Variants in NTNG1 observed in about 807,000 individuals in gnomAD.
The protein encoded by NTNG1 is netrin-G1.
In NTNG1, 16 loss-of-function variants were observed where a neutral mutation model predicts 54.0. The ratio of observed to expected loss-of-function variants is 0.30; its 90% confidence interval spans 0.20 to 0.45. NTNG1 has a LOEUF of 0.45. NTNG1 is among the 20% of genes least tolerant of loss of function. The pLI, the probability that NTNG1 is intolerant of heterozygous loss-of-function variation, is 1.00. For missense variants in NTNG1, 530 were observed against 678.7 expected (o/e 0.78, Z 2.43); for synonymous variants, 255 against 263.1 (o/e 0.97, Z 0.30).
At chr1:107,438,041 T>C (rs1675719938) in intron 7 of NTNG1, among the ~76,000 whole-genome samples, 1 of 152,276 alleles carries the variant, frequency 6.6e-6, no homozygotes, top group South Asian at 2.1e-4. Flanking sequence ...TTCTATAAAA[T>C]AAATTCTTCA....
At chr1:107,342,983 A>G (rs1668990319) in intron 3 of NTNG1, among the ~76,000 whole-genome samples, 1 of 152,110 alleles carries the variant, frequency 6.6e-6, no homozygotes, top group Non-Finnish European at 1.5e-5. Context: ...GCTGATGATG[A>G]AATATCATGG....
intron 5 of NTNG1, chr1:107,409,693 T>A (rs965141707): frequency 2.6e-5 from 4 of 152,154 alleles, no homozygotes; most frequent in African/African-American, 9.7e-5. Context: ...CCCTTCAATA[T>A]GCCTCTGGCT....
Position 107,147,754 on chromosome 1 carries a change from A to G in NTNG1, c.-525-315A>G, listed in dbSNP as rs1570703201. ...GGAAGATTTTCTAGCACTGCAATGT[A>G]TGAGAAATGTTCAAATCTAGCTGCT... On this transcript the variant is annotated intron_variant, in intron 1 of 7. Transcript: ENST00000370068. 2.0e-5 allele frequency among the ~76,000 whole-genome samples: 3 copies of G among 152,310 alleles called. No homozygotes were observed. In the South Asian group the frequency reaches 6.2e-4, roughly 32 times the overall value.
intron 1 of NTNG1, 140 bp from the exon 2 acceptor site, chr1:107,147,929 G>A (rs1220506853): frequency 6.6e-6 from 1 of 152,080 alleles, no homozygotes; most frequent in Non-Finnish European, 1.5e-5. Flanking sequence ...GCTCATTCTA[G>A]CAAAGCAGCT....
chr1:107,407,903 A>G (rs575841675), intron 5 of NTNG1, 195 bp downstream of exon 5: 1 of 738,804 alleles, frequency 1.4e-6, no homozygotes, highest in Admixed American at 1.7e-5. Flanking sequence ...TTTGTGCATA[A>G]CTCCATGAAC....
intron 2 of NTNG1, among the ~76,000 whole-genome samples, chr1:107,270,012 A>T (rs1439582493): frequency 6.6e-6 from 1 of 152,248 alleles, no homozygotes; most frequent in African/African-American, 2.4e-5. Context: ...TATTACTCAA[A>T]GTATGCCAAT....
intron 3 of NTNG1, among the ~76,000 whole-genome samples, chr1:107,358,294 T>C (rs1473477368): frequency 6.6e-6 from 1 of 152,150 alleles, no homozygotes; most frequent in Non-Finnish European, 1.5e-5. Context: ...TCAAGCCTTA[T>C]TGAAGAAGAT....
chr1:107,232,041 T>C lies in NTNG1; in HGVS notation c.246+83202T>C, dbSNP rs1310734939. Among the ~76,000 whole-genome samples the C allele has an allele frequency of 2.6e-5, 4 of 152,328 alleles. No homozygotes were observed. The South Asian group carries it at 6.2e-4, about 24-fold the overall frequency. Reference sequence around the variant, plus strand: ...AACTCTGAATAGCAGCTTGGTACTATGTGGATATTTAACAGATCAAATTCT... The same window carrying C: ...AACTCTGAATAGCAGCTTGGTACTACGTGGATATTTAACAGATCAAATTCT... On this transcript the variant is annotated intron_variant, in intron 2 of 7. Transcript: ENST00000370068.
intron 2 of NTNG1, among the ~76,000 whole-genome samples, chr1:107,157,759 A>C (rs1655109503): frequency 6.6e-6 from 1 of 152,094 alleles, no homozygotes; most frequent in Non-Finnish European, 1.5e-5. Flanking sequence ...ACTCCTTTGT[A>C]CTTTTTGCCT....
intron 2 of NTNG1, among the ~76,000 whole-genome samples, chr1:107,156,533 G>A (rs550986389): frequency 3.5e-4 from 54 of 152,252 alleles, no homozygotes; most frequent in Non-Finnish European, 6.9e-4. Context: ...AATAGAATAT[G>A]TATAGCTATT....
rs149769420 is a variant in NTNG1, at chr1:107,311,767, G to T, written c.247-12515G>T. Among the ~76,000 whole-genome samples the T allele has an allele frequency of 3.5e-3, 526 of 152,040 alleles. 2 individuals carry two copies. Among genetic ancestry groups the T allele is most frequent in the African/African-American group, 0.012 (513 of 41,458 alleles). On this transcript the variant is annotated intron_variant, in intron 2 of 7. Transcript: ENST00000370068. ...ATGTTTGCACACTTGTTATGTGTCA[G>T]TTCTTCATCTCAAAGAATTATAGTA... is the stretch of plus-strand genomic sequence containing the variant.
intron 2 of NTNG1, among the ~76,000 whole-genome samples, chr1:107,265,897 G>A (rs76338191): frequency 0.041 from 6,286 of 152,170 alleles, 165 homozygotes; most frequent in Middle Eastern, 0.068. Context: ...TCAATATCCA[G>A]TAATAATCAA....
chr1:107,142,614 C>G (rs1407299960), intron 1 of NTNG1, among the ~76,000 whole-genome samples: 1 of 150,484 alleles, frequency 6.6e-6, no homozygotes, highest in African/African-American at 2.4e-5. Context: ...TAGAATTGCT[C>G]TAGAAATAAG....
intron 2 of NTNG1, among the ~76,000 whole-genome samples, chr1:107,276,198 A>G (rs1249821518): frequency 6.6e-6 from 1 of 152,202 alleles, no homozygotes; most frequent in Non-Finnish European, 1.5e-5. Context: ...AGGAGACTCT[A>G]TTAAATACTT....
Position 107,481,220 on chromosome 1 carries a change from G to A in NTNG1, c.*380G>A. ...GTGCGCCCTAGTACGACTCCGCCCA[G>A]TGTGTGGACCAACCAAATAGCATTC... is the stretch of plus-strand genomic sequence containing the variant. On this transcript the variant is annotated 3_prime_UTR_variant, in exon 8 of 8. Transcript: ENST00000370068. 4.4e-6 allele frequency: 1 copy of A among 227,320 alleles called. No homozygotes were observed. The highest frequency in any genetic ancestry group is 9.0e-5 in the East Asian group (1 of 11,168). 14.1% of individuals were successfully genotyped at this position (227,320 alleles called of 1,614,324 possible).
chr1:107,380,024 C>T (rs1477913421), intron 3 of NTNG1, among the ~76,000 whole-genome samples: 2 of 152,190 alleles, frequency 1.3e-5, no homozygotes, highest in Non-Finnish European at 2.9e-5. Flanking sequence ...GCCTGTTCAA[C>T]TTGACTGGCC....
chr1:107,415,557 C>T (rs924509612), intron 5 of NTNG1, among the ~76,000 whole-genome samples: 2 of 152,048 alleles, frequency 1.3e-5, no homozygotes, highest in Non-Finnish European at 2.9e-5. Context: ...AGTGGCGGAA[C>T]GGGGATCAGA....
rs559097280 is a variant in NTNG1 at position 107,314,178 on chromosome 1, G to A, written c.247-10104G>A. Among the ~76,000 whole-genome samples the A allele has an allele frequency of 6.4e-4, 97 of 152,250 alleles. 1 individual carries two copies. The highest frequency in any genetic ancestry group is 3.4e-3 in the Middle Eastern group (1 of 294). ...CCAGCACTTTGGGAGGCCGAGGCAG[G>A]CTGGTCATGAGTTCAGGAGATCGAG... On this transcript the variant is annotated intron_variant, in intron 2 of 7. Coordinates refer to ENST00000370068, the MANE Select transcript of NTNG1 (RefSeq NM_001113226.3).
chr1:107,157,977 G>T (rs1655125363), intron 2 of NTNG1, among the ~76,000 whole-genome samples: 1 of 152,038 alleles, frequency 6.6e-6, no homozygotes. Flanking sequence ...CTGGATTTTG[G>T]TGGTAGAGAC....
Sources: allele counts gnomAD v4.1 joint callset (sites outside exome capture counted in the v4.1 genomes callset), GRCh38; gene constraint gnomAD v4.1.1; transcripts MANE v1.5; gene names NCBI Gene and HGNC (gene_info 2026-07-23, HGNC 2026-07-21).